Variants in ANO2 observed in about 807,000 individuals in gnomAD.
The protein encoded by ANO2 is anoctamin 2.
In ANO2, 101 loss-of-function variants were observed where a neutral mutation model predicts 124.2. The ratio of observed to expected loss-of-function variants is 0.81; its 90% confidence interval spans 0.69 to 0.96. ANO2 has a LOEUF of 0.96. ANO2 is among the 40% of genes least tolerant of loss of function. The pLI is 0.00. For missense variants in ANO2, 1,293 were observed against 1,274.5 expected (o/e 1.01, Z -0.22); for synonymous variants, 486 against 482.5 (o/e 1.01, Z -0.09).
At chr12:5,606,297 T>A (rs1944218687) in intron 19 of ANO2, among the ~76,000 whole-genome samples, 1 of 152,152 alleles carries the variant, frequency 6.6e-6, no homozygotes, top group Non-Finnish European at 1.5e-5. Flanking sequence ...AAGGAGTTAT[T>A]TAGTTATTTC....
intron 10 of ANO2, among the ~76,000 whole-genome samples, chr12:5,795,567 T>C (rs749742096): frequency 1.6e-4 from 25 of 152,228 alleles, no homozygotes; most frequent in Non-Finnish European, 3.5e-4. Flanking sequence ...GAACCCTCTC[T>C]TTCCCATGCT....
At chr12:5,901,103 C>T (rs770596208) in intron 3 of ANO2, among the ~76,000 whole-genome samples, 24 of 152,186 alleles carry the variant, frequency 1.6e-4, no homozygotes, top group Non-Finnish European at 2.1e-4. Flanking sequence ...AAGGCTGCAG[C>T]GGTGGCTGCA....
intron 10 of ANO2, among the ~76,000 whole-genome samples, chr12:5,789,308 C>T (rs746709884): frequency 5.3e-5 from 8 of 152,240 alleles, no homozygotes; most frequent in Non-Finnish European, 1.2e-4. Context: ...TAAGGAATTG[C>T]TGCCATTTTG....
intron 10 of ANO2, among the ~76,000 whole-genome samples, chr12:5,796,425 T>C (rs1952854870): frequency 6.8e-6 from 1 of 147,678 alleles, no homozygotes; most frequent in Non-Finnish European, 1.5e-5. Context: ...CTCATACTCT[T>C]ACACTCACAC....
chr12:5,632,221 G>C lies in ANO2; in HGVS notation c.1816+2931C>G, dbSNP rs556596543. Among the ~76,000 whole-genome samples, 5 of 152,166 alleles carry C rather than the reference G, an allele frequency of 3.3e-5. No homozygotes were observed. The South Asian group carries it at 1.0e-3, about 32-fold the overall frequency. ...GGAGTACCCAGTATAAGGTAGACAAGAGCAATGCCCCAGAACAATGCTCAC... is the reference window on the plus strand; with the variant it reads ...GGAGTACCCAGTATAAGGTAGACAACAGCAATGCCCCAGAACAATGCTCAC... On this transcript the variant is annotated intron_variant, in intron 16 of 24. Transcript: ENST00000682330.
At chr12:5,569,423 C>T (rs1229509684) in intron 23 of ANO2, among the ~76,000 whole-genome samples, 1 of 152,170 alleles carries the variant, frequency 6.6e-6, no homozygotes, top group Non-Finnish European at 1.5e-5. Flanking sequence ...TGGATCTCAC[C>T]CTCACCCCTC....
intron 4 of ANO2, among the ~76,000 whole-genome samples, chr12:5,845,696 G>A (rs1240502439): frequency 1.3e-5 from 2 of 152,156 alleles, no homozygotes; most frequent in East Asian, 3.9e-4. Flanking sequence ...TCAGTAAAGT[G>A]AGAGAGCAGG....
At chr12:5,867,856 T>C (rs1301488033) in intron 3 of ANO2, among the ~76,000 whole-genome samples, 1 of 150,130 alleles carries the variant, frequency 6.7e-6, no homozygotes, top group Non-Finnish European at 1.5e-5. Flanking sequence ...AACCCAGCTG[T>C]CAAGAGCACT....
At chr12:5,937,603 T>C (rs892934921) in intron 1 of ANO2, among the ~76,000 whole-genome samples, 5 of 152,234 alleles carry the variant, frequency 3.3e-5, no homozygotes. Context: ...TACTGGACAT[T>C]GTGAATGATA....
intron 23 of ANO2, among the ~76,000 whole-genome samples, chr12:5,571,453 G>A (rs1942112457): frequency 6.6e-6 from 1 of 152,156 alleles, no homozygotes; most frequent in Non-Finnish European, 1.5e-5. Flanking sequence ...CTCTATCCCT[G>A]GCGAGGCTGG....
intron 19 of ANO2, among the ~76,000 whole-genome samples, chr12:5,607,073 A>C (rs956842449): frequency 5.9e-5 from 9 of 152,140 alleles, no homozygotes; most frequent in Non-Finnish European, 1.0e-4. Flanking sequence ...TAAAAAAAAA[A>C]AAAACAAATC....
chr12:5,743,488 T>TGTGC (rs1951170936), intron 12 of ANO2, among the ~76,000 whole-genome samples: 1 of 151,680 alleles, frequency 6.6e-6, no homozygotes, highest in African/African-American at 2.4e-5. Context: ...TGTGTGTGTG[T>TGTGC]GTGTGTGTAT....
Position 5,925,846 on chromosome 12 carries a change from G to A in ANO2, c.23-3042C>T, listed in dbSNP as rs1042382697. ...TGAGGAGATGGATGTCGTAAGGCTG[G>A]GGCCTGGGCCTTTCTCCACGTTCCA... On this transcript the variant is annotated intron_variant, in intron 1 of 24. Coordinates refer to ENST00000682330, the MANE Select transcript of ANO2 (RefSeq NM_001364791.2). The surrounding 1 kb of genome is among the most constrained non-coding windows in gnomAD (Gnocchi z 4.6). 2.0e-5 allele frequency among the ~76,000 whole-genome samples: 3 copies of A among 152,160 alleles called. No homozygotes were observed. The highest frequency in any genetic ancestry group is 4.4e-5 in the Non-Finnish European group (3 of 68,028).
At chr12:5,793,146 C>T (rs553577816) in intron 10 of ANO2, among the ~76,000 whole-genome samples, 30 of 152,318 alleles carry the variant, frequency 2.0e-4, no homozygotes, top group African/African-American at 7.0e-4. Flanking sequence ...ACAGGGTATA[C>T]TTGTTCTGTG....
chr12:5,732,544 T>C lies in ANO2; in HGVS notation c.1521A>G (p.Thr507=), dbSNP rs1311378297. The change falls in exon 14 of 25, where the codon ACA becomes ACG. Residue 507 remains threonine (T), a synonymous_variant. Coordinates refer to ENST00000682330, the MANE Select transcript of ANO2 (RefSeq NM_001364791.2). ...SNQSAVQKLE[T]NTTECGDEDD... ...CCTCATCGCCACACTCCGTCGTGTT[T>C]GTTTCCAATTTCTGGACAGCAGACT... 3 of 1,613,814 alleles carry C rather than the reference T, an allele frequency of 1.9e-6. No individual in the cohort carries two copies. In the African/African-American group the frequency reaches 4.0e-5, roughly 22 times the overall value.
At chr12:5,701,574 T>G (rs1288962026) in intron 14 of ANO2, among the ~76,000 whole-genome samples, 2 of 152,168 alleles carry the variant, frequency 1.3e-5, no homozygotes, top group African/African-American at 4.8e-5. Flanking sequence ...AATTGTCACA[T>G]CCACTTAAGA....
intron 15 of ANO2, among the ~76,000 whole-genome samples, chr12:5,644,209 C>A (rs59707092): frequency 6.6e-6 from 1 of 152,116 alleles, no homozygotes; most frequent in East Asian, 1.9e-4. Flanking sequence ...GTGGTGTGAA[C>A]AAGGCCCAGT....
chr12:5,598,086 C>T (rs1396701079), intron 20 of ANO2, among the ~76,000 whole-genome samples: 1 of 152,190 alleles, frequency 6.6e-6, no homozygotes, highest in African/African-American at 2.4e-5. Context: ...CTGCCCATTA[C>T]TCCACTGCTA....
intron 14 of ANO2, among the ~76,000 whole-genome samples, chr12:5,679,121 T>G (rs1948384664): frequency 2.0e-5 from 3 of 152,140 alleles, no homozygotes; most frequent in Admixed American, 2.0e-4. Context: ...CCTTACACTT[T>G]GTACAAAAAT....
Sources: allele counts gnomAD v4.1 joint callset (sites outside exome capture counted in the v4.1 genomes callset), GRCh38; gene constraint gnomAD v4.1.1; non-coding constraint Gnocchi (gnomAD v3.1); transcripts MANE v1.5; gene names NCBI Gene and HGNC (gene_info 2026-07-23, HGNC 2026-07-21).